Variants in WIPI2 observed in about 807,000 individuals in gnomAD.
WIPI2 encodes WD repeat domain phosphoinositide-interacting protein 2.
In WIPI2, 28 loss-of-function variants were observed where a neutral mutation model predicts 52.3. That is an observed-to-expected ratio of 0.54 (90% confidence interval 0.40 to 0.73). WIPI2 has a LOEUF of 0.73. WIPI2 is among the 30% of genes least tolerant of loss of function. The pLI, the probability that WIPI2 is intolerant of heterozygous loss-of-function variation, is 0.00. For missense variants in WIPI2, 506 were observed against 602.9 expected (o/e 0.84, Z 1.68); for synonymous variants, 268 against 245.0 (o/e 1.09, Z -0.88).
chr7:5,206,951 G>T (rs907042337), intron 3 of WIPI2, among the ~76,000 whole-genome samples: 2 of 151,974 alleles, frequency 1.3e-5, no homozygotes, highest in African/African-American at 2.4e-5. Flanking sequence ...CTAATTTTTC[G>T]ATTTTTTTGT....
chr7:5,223,248 C>T (rs558248795), intron 8 of WIPI2, among the ~76,000 whole-genome samples: 4 of 152,290 alleles, frequency 2.6e-5, no homozygotes, highest in African/African-American at 4.8e-5. Context: ...CTCTGGAGCC[C>T]GTGCCTCAGA....
At chr7:5,229,498 C>A in intron 11 of WIPI2, 110 bp from the exon 12 acceptor site, 2 of 1,350,682 alleles carry the variant, frequency 1.5e-6, no homozygotes, top group Non-Finnish European at 2.0e-6. Flanking sequence ...GCCTGGCGTC[C>A]TGTGTGGTGA....
At chr7:5,233,854 C>T (rs1357139449), downstream of WIPI2, 4 of 152,172 alleles carry the variant, frequency 2.6e-5, no homozygotes, top group Non-Finnish European at 5.9e-5. Context: ...GATTTTTATT[C>T]AGTTCTGGTT....
At chr7:5,216,975 C>A in intron 5 of WIPI2, 115 bp from the exon 6 acceptor site, 1 of 1,096,774 alleles carries the variant, frequency 9.1e-7, no homozygotes, top group Non-Finnish European at 1.3e-6. Context: ...AAGATTGTAT[C>A]CAAGCTATTA....
intron 3 of WIPI2, chr7:5,213,287 C>T (rs1244415018): frequency 1.3e-5 from 2 of 152,258 alleles, no homozygotes; most frequent in African/African-American, 4.8e-5. Flanking sequence ...TTTATGACAG[C>T]TTTCTGGTAA....
At chr7:5,198,978 A>ATTTTG (rs1404797960) in intron 2 of WIPI2, among the ~76,000 whole-genome samples, 5 of 152,174 alleles carry the variant, frequency 3.3e-5, no homozygotes, top group African/African-American at 1.2e-4. Flanking sequence ...CCTTATTATC[A>ATTTTG]ACTACAGTTA....
chr7:5,213,774 C>A (rs184605606), intron 3 of WIPI2, among the ~76,000 whole-genome samples: 1 of 152,094 alleles, frequency 6.6e-6, no homozygotes, highest in Non-Finnish European at 1.5e-5. Flanking sequence ...CAAGCTCCGT[C>A]CCCCGGGTTC....
Position 5,232,629 on chromosome 7 carries a change from C to T in WIPI2, c.*1682C>T, listed in dbSNP as rs1033471781. 1 of 271,392 alleles carries T rather than the reference C, an allele frequency of 3.7e-6. No homozygotes were observed. Among genetic ancestry groups the T allele is most frequent in the Non-Finnish European group, 6.9e-6 (1 of 145,696 alleles). 16.8% of individuals were successfully genotyped at this position (271,392 alleles called of 1,614,324 possible). ...AGGGATGAGAAGGGCCGCGGCAGCA[C>T]GCAGCCTTGACCCACGCCTGCGTCT... On this transcript the variant is annotated 3_prime_UTR_variant, in exon 13 of 13. Coordinates refer to ENST00000288828, the MANE Select transcript of WIPI2 (RefSeq NM_015610.4).
chr7:5,190,701 T>A (rs1005030525), intron 1 of WIPI2: 4 of 410,062 alleles, frequency 9.8e-6, no homozygotes, highest in Non-Finnish European at 1.7e-5. Flanking sequence ...GGAGCTGCGG[T>A]CCCGGAGCGG....
At chr7:5,223,239 T>C (rs1025059784) in intron 8 of WIPI2, among the ~76,000 whole-genome samples, 1 of 152,186 alleles carries the variant, frequency 6.6e-6, no homozygotes, top group Non-Finnish European at 1.5e-5. Flanking sequence ...GGCCTCGGGC[T>C]CTGGAGCCCG....
intron 2 of WIPI2, among the ~76,000 whole-genome samples, chr7:5,194,898 A>G (rs1282681305): frequency 6.6e-6 from 1 of 152,212 alleles, no homozygotes; most frequent in African/African-American, 2.4e-5. Context: ...GCAGAGAACC[A>G]ACCTAGTTTA....
intron 8 of WIPI2, among the ~76,000 whole-genome samples, chr7:5,223,200 C>G (rs569651108): frequency 1.8e-4 from 27 of 152,338 alleles, no homozygotes; most frequent in Middle Eastern, 3.4e-3. Context: ...CAGGACTGTC[C>G]CTCCCTCGTC....
chr7:5,201,549 G>A (rs1177546173), intron 3 of WIPI2, among the ~76,000 whole-genome samples: 2 of 152,204 alleles, frequency 1.3e-5, no homozygotes, highest in African/African-American at 4.8e-5. Context: ...TTGAAGACGA[G>A]CCTGGCCAAC....
At chr7:5,229,554 C>T (rs1297640523) in intron 11 of WIPI2, 54 bp from the exon 12 acceptor site, 3 of 1,584,080 alleles carry the variant, frequency 1.9e-6, no homozygotes, top group Admixed American at 1.8e-5. Context: ...TGTGTACTGC[C>T]CGCAGGGCTG....
chr7:5,198,318 C>CTT (rs35887906), intron 2 of WIPI2, among the ~76,000 whole-genome samples: 13 of 144,754 alleles, frequency 9.0e-5, no homozygotes, highest in Admixed American at 1.4e-4. Context: ...ACTTACTTAA[C>CTT]TTTTTTTTTT....
chr7:5,225,639 T>C (rs1783389948), intron 8 of WIPI2, among the ~76,000 whole-genome samples, 184 bp from the exon 9 acceptor site: 1 of 152,206 alleles, frequency 6.6e-6, no homozygotes, highest in Non-Finnish European at 1.5e-5. Flanking sequence ...GAATTGTTCT[T>C]AGTATTTCCT....
Position 5,190,268 on chromosome 7 carries a change from G to A in WIPI2, c.-152G>A, listed in dbSNP as rs1031575202. 113 of 379,832 alleles carry A rather than the reference G, an allele frequency of 3.0e-4. No individual in the cohort carries two copies. The highest frequency in any genetic ancestry group is 8.2e-4 in the Middle Eastern group (1 of 1,214). 23.5% of individuals were successfully genotyped at this position (379,832 alleles called of 1,614,324 possible). On this transcript the variant is annotated 5_prime_UTR_variant, in exon 1 of 13. Coordinates refer to ENST00000288828, the MANE Select transcript of WIPI2 (RefSeq NM_015610.4). ...CCCCGGCTCTGGAGCATAAACAAGA[G>A]CGGGGACGGGATGAGGCGGCGGTTG...
At chr7:5,208,267 A>C in intron 3 of WIPI2, among the ~76,000 whole-genome samples, 1 of 151,886 alleles carries the variant, frequency 6.6e-6, no homozygotes, top group East Asian at 1.9e-4. Context: ...TTGGTTGTTT[A>C]TCTTTTTATT....
At chr7:5,190,979 TTTC>T (rs1781455274) in intron 1 of WIPI2, 1 of 157,588 alleles carries the variant, frequency 6.3e-6, no homozygotes, top group Non-Finnish European at 1.4e-5. Flanking sequence ...TTGATTTTCT[TTTC>T]TTCGTTTCTC....
Sources: allele counts gnomAD v4.1 joint callset (sites outside exome capture counted in the v4.1 genomes callset), GRCh38; gene constraint gnomAD v4.1.1; transcripts MANE v1.5; gene names NCBI Gene and HGNC (gene_info 2026-07-23, HGNC 2026-07-21).